Variants in ESYT1 observed in about 807,000 individuals in gnomAD.
ESYT1 encodes extended synaptotagmin 1.
In ESYT1, 116 loss-of-function variants were observed where a neutral mutation model predicts 154.2. The observed-to-expected ratio is 0.75, with a 90% CI of 0.65 to 0.88. The LOEUF is 0.88. Ranked by LOEUF, ESYT1 falls within the 40% of genes least tolerant of loss-of-function variation. ESYT1 has a pLI of 0.00. For synonymous variants in ESYT1, 500 were observed against 539.9 expected (o/e 0.93, Z 1.02); for missense variants, 1,264 against 1,379.3 (o/e 0.92, Z 1.32).
Position 56,131,063 on chromosome 12 carries a change from G to A in ESYT1, c.591G>A (p.Lys197=). 3 of 1,614,140 alleles carry A rather than the reference G, an allele frequency of 1.9e-6. No homozygotes were observed. The highest frequency in any genetic ancestry group is 2.5e-6 in the Non-Finnish European group (3 of 1,180,030). The change falls in exon 4 of 31, where the codon AAG becomes AAA. Residue 197 remains lysine (K), a synonymous_variant. Coordinates refer to ENST00000394048, the MANE Select transcript of ESYT1 (RefSeq NM_015292.3). ...AGCCATTGCGCATCATTGGAGTCAA[G>A]GTTCACCCAGGTCAGAGAAAAGAGC... ...GEKPLRIIGV[K]VHPGQRKEQI...
chr12:56,129,899 A>T (rs1870160826), intron 1 of ESYT1, among the ~76,000 whole-genome samples: 1 of 151,022 alleles, frequency 6.6e-6, no homozygotes, highest in Admixed American at 6.6e-5. Context: ...AGGGGAGTTG[A>T]GAAGGCTGGA....
intron 30 of ESYT1, 70 bp downstream of exon 30, chr12:56,143,699 A>G: frequency 6.2e-7 from 1 of 1,612,304 alleles, no homozygotes; most frequent in South Asian, 1.1e-5. Flanking sequence ...CAGGAAAGGA[A>G]AAAAAGATAC....
In ESYT1 at chr12:56,144,568, G is replaced by C. The variant is rs913253657; in HGVS notation, c.*706G>C. ...CAGCAGGGCCAATTTTTTTGCCCAA[G>C]TGCCTAGGCTGCTAACTCACTGACT... On this transcript the variant is annotated 3_prime_UTR_variant, in exon 31 of 31. Coordinates refer to ENST00000394048, the MANE Select transcript of ESYT1 (RefSeq NM_015292.3). The C allele has an allele frequency of 1.0e-6, 1 of 985,490 alleles. No individual in the cohort carries two copies. Among genetic ancestry groups the C allele is most frequent in the Non-Finnish European group, 1.2e-6 (1 of 830,010 alleles). The allele number at this position is 985,490 out of a possible 1,614,324, so 61.0% of individuals were successfully genotyped here.
chr12:56,133,760 A>T (rs747381416), intron 12 of ESYT1, 21 bp from the exon 13 acceptor site: 1 of 1,613,562 alleles, frequency 6.2e-7, no homozygotes. Flanking sequence ...CCAAGATCTG[A>T]CTACTACCAC....
intron 20 of ESYT1, 22 bp downstream of exon 20, chr12:56,138,096 AC>A (rs1223395691): frequency 6.2e-7 from 1 of 1,614,106 alleles, no homozygotes; most frequent in Admixed American, 1.7e-5. Context: ...ATTAGAGTCA[AC>A]AACCCCTCCT....
At position 56,137,500 on chromosome 12, in the gene ESYT1, A is replaced by G. The variant is rs368789931; in HGVS notation, c.1940A>G (p.His647Arg). The G allele has an allele frequency of 6.2e-7, 1 of 1,611,654 alleles. No individual in the cohort carries two copies. Among genetic ancestry groups the G allele is most frequent in the East Asian group, 2.2e-5 (1 of 44,824 alleles). The change falls in exon 18 of 31, where the codon CAT becomes CGT. Residue 647 changes from histidine (H) to arginine (R), a missense_variant and splice_region_variant. Transcript: ENST00000394048. The stretch of plus-strand genomic sequence containing the variant: ...GGCACCCCCCCGTCCCTTTTGCAGC[A>G]TGTGCTTCGGATCCATGTATTAGAG... ...TTPDSQFGTE[H>R]VLRIHVLEAQ...
rs1052740886 is a variant in ESYT1 at position 56,142,512 on chromosome 12, G to C, written c.2734-66G>C. On this transcript the variant is annotated intron_variant, in intron 25 of 30. Transcript: ENST00000394048. The surrounding 1 kb of genome is among the most constrained non-coding windows in gnomAD (Gnocchi z 4.1). ...GGACACCCAGGAGGGTGGGAACAGA[G>C]GGCCGTGTCCTTAGAGTGAGGGAAC... 2 of 1,610,816 alleles carry C rather than the reference G, an allele frequency of 1.2e-6. No individual in the cohort carries two copies. The highest frequency in any genetic ancestry group is 1.3e-5 in the African/African-American group (1 of 74,996).
At chr12:56,136,952 TAA>T in intron 16 of ESYT1, 59 bp downstream of exon 16, 2 of 1,524,580 alleles carry the variant, frequency 1.3e-6, no homozygotes, top group Non-Finnish European at 1.8e-6. Flanking sequence ...TCTTTGGTAT[TAA>T]GAGTAAGGAA....
chr12:56,144,645 G>A lies in ESYT1; in HGVS notation c.*783G>A, dbSNP rs544181806. 5.1e-6 allele frequency: 5 copies of A among 985,362 alleles called. No homozygotes were observed. The East Asian group carries it at 4.5e-4, about 89-fold the overall frequency. The allele number at this position is 985,362 out of a possible 1,614,324, so 61.0% of individuals were successfully genotyped here. On this transcript the variant is annotated 3_prime_UTR_variant, in exon 31 of 31. Coordinates refer to ENST00000394048, the MANE Select transcript of ESYT1 (RefSeq NM_015292.3). ...TTGCACCAACTCTGCCAAGCCACTG[G>A]ATCTTACATTAAACATCATACTCAA...
In ESYT1 at chr12:56,142,477, C is replaced by T; in HGVS notation, c.2733+52C>T. 1 of 1,606,318 alleles carries T rather than the reference C, an allele frequency of 6.2e-7. No homozygotes were observed. Reference sequence around the variant, plus strand: ...ATGAGAGGGAGGAGGGGAGGGCCTTCACAGGTGAGGGACACCCAGGAGGGT... The same window carrying T: ...ATGAGAGGGAGGAGGGGAGGGCCTTTACAGGTGAGGGACACCCAGGAGGGT... On this transcript the variant is annotated intron_variant, in intron 25 of 30. Transcript: ENST00000394048. The surrounding 1 kb of genome is among the most constrained non-coding windows in gnomAD (Gnocchi z 4.1).
Position 56,134,336 on chromosome 12 carries a change from C to G in ESYT1, c.1546-6C>G. 6.2e-7 allele frequency: 1 copy of G among 1,613,934 alleles called. No individual in the cohort carries two copies. Among genetic ancestry groups the G allele is most frequent in the Non-Finnish European group, 8.5e-7 (1 of 1,179,856 alleles). On this transcript the variant is annotated splice_polypyrimidine_tract_variant and splice_region_variant and intron_variant, in intron 14 of 30. Transcript: ENST00000394048. The stretch of plus-strand genomic sequence containing the variant: ...TACACCCTTAATCCCTCCTCTACAT[C>G]TCCAGGCTGTCTACAGTACCAACTG...
chr12:56,130,674 T>G, intron 2 of ESYT1, 51 bp downstream of exon 2: 1 of 1,613,814 alleles, frequency 6.2e-7, no homozygotes, highest in Non-Finnish European at 8.5e-7. Context: ...TGGGAATTTG[T>G]TTCTTCTTGC....
chr12:56,130,553 G>A (rs1273071070), intron 1 of ESYT1, 29 bp from the exon 2 acceptor site: 7 of 1,613,018 alleles, frequency 4.3e-6, no homozygotes, highest in African/African-American at 4.0e-5. Flanking sequence ...TGTGCTGCAC[G>A]TCACTGTCTC....
chr12:56,131,856 G>A, intron 7 of ESYT1, 52 bp downstream of exon 7: 1 of 1,575,956 alleles, frequency 6.3e-7, no homozygotes, highest in East Asian at 2.2e-5. Flanking sequence ...TGGGTTGGGG[G>A]TTTAAGGGAC....
chr12:56,144,504 C>CAG lies in ESYT1; in HGVS notation c.*642_*643insAG. 1.0e-6 allele frequency: 1 copy of CAG among 985,864 alleles called. No individual in the cohort carries two copies. Among genetic ancestry groups the CAG allele is most frequent in the South Asian group, 4.7e-5 (1 of 21,308 alleles). The allele number at this position is 985,864 out of a possible 1,614,324, so 61.1% of individuals were successfully genotyped here. On this transcript the variant is annotated 3_prime_UTR_variant, in exon 31 of 31. Transcript: ENST00000394048. Reference sequence around the variant, plus strand: ...TAGTGGCATATCAGTCTTGGAGCTCCTAGCTGGTGATACGGAGAGGGCTTT... The same window carrying CAG: ...TAGTGGCATATCAGTCTTGGAGCTCCAGTAGCTGGTGATACGGAGAGGGCTTT...
chr12:56,137,457 T>A, intron 17 of ESYT1, 42 bp from the exon 18 acceptor site: 1 of 1,609,150 alleles, frequency 6.2e-7, no homozygotes, highest in Non-Finnish European at 8.5e-7. Flanking sequence ...CTGACAGGTC[T>A]CTCTCCCTTT....
rs759255140 is a variant in ESYT1 at position 56,138,451 on chromosome 12, G to A, written c.2385G>A (p.Leu795=). The change falls in exon 22 of 31, where the codon CTG becomes CTA. Residue 795 remains leucine, a synonymous_variant. Transcript: ENST00000394048. The part of the protein sequence containing the change: ...SLIQTQKSAE[L]AAALLSIYME... ...TCCAGACTCAGAAGAGTGCGGAGCT[G>A]GCTGCGGCCCTGCTATCCATCTATA... is the stretch of plus-strand genomic sequence containing the variant. 6 of 1,613,172 alleles carry A rather than the reference G, an allele frequency of 3.7e-6. No homozygotes were observed. In the South Asian group the frequency reaches 6.6e-5, roughly 18 times the overall value.
At chr12:56,139,468 C>T (rs1870602118) in intron 24 of ESYT1, among the ~76,000 whole-genome samples, 1 of 151,688 alleles carries the variant, frequency 6.6e-6, no homozygotes, top group Non-Finnish European at 1.5e-5. Context: ...AGAAAAATAA[C>T]CAGATGAAAC....
chr12:56,138,120 G>C (rs988713697), intron 20 of ESYT1, 46 bp downstream of exon 20: 22 of 1,613,662 alleles, frequency 1.4e-5, no homozygotes, highest in Non-Finnish European at 1.8e-5. Context: ...TCCTGCCCAA[G>C]CTTCATTCTC....
Sources: gnomAD v4.1 joint callset for allele counts (sites outside exome capture counted in the v4.1 genomes callset) on GRCh38, gnomAD v4.1.1 for gene constraint, Gnocchi (gnomAD v3.1) non-coding constraint, MANE v1.5 for transcripts, NCBI Gene and HGNC (gene_info 2026-07-23, HGNC 2026-07-21) for gene names.